Variants in CPB2 observed in about 807,000 individuals in gnomAD.
The protein encoded by CPB2 is carboxypeptidase B2, also known as carboxypeptidase B-like protein.
CPB2 carries 54 observed loss-of-function variants against 57.0 expected under a neutral mutation model. The observed-to-expected ratio is 0.95, with a 90% CI of 0.76 to 1.19. The LOEUF (loss-of-function observed/expected upper bound fraction) is 1.19, where lower values mean the gene tolerates loss of function less well. Among genes scored for constraint, CPB2 ranks in the 50% most tolerant of loss-of-function variants. The probability of loss-of-function intolerance (pLI) is 0.00; values close to 1 mark genes in which losing one functional copy is unlikely to be tolerated. For synonymous variants in CPB2, 189 were observed against 178.1 expected (o/e 1.06, Z -0.49); for missense variants, 426 against 512.0 (o/e 0.83, Z 1.62).
intron 7 of CPB2, 110 bp downstream of exon 7, chr13:46,067,197 A>T: frequency 1.9e-6 from 1 of 533,530 alleles, no homozygotes; most frequent in South Asian, 3.3e-5. Flanking sequence ...GTTAAAAAAA[A>T]TTAATAATAA....
chr13:46,058,704 T>C (rs1388901617), intron 8 of CPB2, among the ~76,000 whole-genome samples: 2 of 152,178 alleles, frequency 1.3e-5, no homozygotes, highest in Non-Finnish European at 2.9e-5. Flanking sequence ...AACCCCACTT[T>C]CCTTAATCCA....
At chr13:46,092,385 T>C (rs2045306355) in intron 1 of CPB2, among the ~76,000 whole-genome samples, 1 of 152,230 alleles carries the variant, frequency 6.6e-6, no homozygotes, top group South Asian at 2.1e-4. Context: ...TGTTGATTTC[T>C]CAGTTTTTAC....
intron 9 of CPB2, among the ~76,000 whole-genome samples, chr13:46,057,398 G>T (rs2139344252): frequency 6.6e-6 from 1 of 152,136 alleles, no homozygotes; most frequent in East Asian, 1.9e-4. Context: ...ATTCTGTTAA[G>T]AGAGCCAGAA....
chr13:46,092,831 G>A lies in CPB2; in HGVS notation c.75-5011C>T, dbSNP rs545959116. Among the ~76,000 whole-genome samples, 4 of 152,286 alleles carry A rather than the reference G, an allele frequency of 2.6e-5. No individual in the cohort carries two copies. The South Asian group carries it at 8.3e-4, about 32-fold the overall frequency. On this transcript the variant is annotated intron_variant, in intron 1 of 10. Coordinates refer to ENST00000181383, the MANE Select transcript of CPB2 (RefSeq NM_001872.5). ...TGCTGAGAAATTTGGACTTTATCTTGTAGGCAATTAGAAGTTAGAAAGGTA... is the reference window on the plus strand; with the variant it reads ...TGCTGAGAAATTTGGACTTTATCTTATAGGCAATTAGAAGTTAGAAAGGTA...
At chr13:46,069,976 A>T (rs1267700548) in intron 6 of CPB2, among the ~76,000 whole-genome samples, 1 of 152,218 alleles carries the variant, frequency 6.6e-6, no homozygotes, top group Non-Finnish European at 1.5e-5. Flanking sequence ...ACGATTTACC[A>T]ACATGGCAAG....
intron 8 of CPB2, among the ~76,000 whole-genome samples, chr13:46,060,488 G>T (rs796864262): frequency 6.6e-6 from 1 of 152,026 alleles, no homozygotes; most frequent in Non-Finnish European, 1.5e-5. Flanking sequence ...AAAGAAATAT[G>T]TGAGATTAAT....
Position 46,075,582 on chromosome 13 carries a change from C to T in CPB2, c.487-1605G>A, listed in dbSNP as rs2045010030. On this transcript the variant is annotated intron_variant, in intron 5 of 10. Transcript: ENST00000181383. ...ACATGGATCCAATCTGATTGACCAA[C>T]TCAGTGACCAAGGGGACCCAACATT... Among the ~76,000 whole-genome samples, 4 of 152,202 alleles carry T rather than the reference C, an allele frequency of 2.6e-5. No individual in the cohort carries two copies. The South Asian group carries it at 8.3e-4, about 31-fold the overall frequency.
intron 8 of CPB2, among the ~76,000 whole-genome samples, chr13:46,061,970 T>C (rs1393462361): frequency 6.6e-6 from 1 of 151,842 alleles, no homozygotes; most frequent in Non-Finnish European, 1.5e-5. Flanking sequence ...TAGTACAGAA[T>C]AGATACTGGA....
intron 1 of CPB2, among the ~76,000 whole-genome samples, chr13:46,095,948 C>G (rs1232887137): frequency 2.2e-5 from 3 of 134,246 alleles, no homozygotes; most frequent in Non-Finnish European, 4.6e-5. Flanking sequence ...ATGGAGCAAT[C>G]TTGGCTCACT....
At chr13:46,076,620 G>GA (rs1158573906) in intron 5 of CPB2, among the ~76,000 whole-genome samples, 1 of 151,840 alleles carries the variant, frequency 6.6e-6, no homozygotes, top group Non-Finnish European at 1.5e-5. Context: ...CATAGAAAGA[G>GA]AAAAAAAATT....
At chr13:46,063,835 GTGC>G (rs1593886272) in intron 8 of CPB2, among the ~76,000 whole-genome samples, 1 of 151,820 alleles carries the variant, frequency 6.6e-6, no homozygotes, top group South Asian at 2.1e-4. Context: ...AATTCCCACT[GTGC>G]TGCTTTTTAT....
chr13:46,097,119 C>T (rs2045377069), intron 1 of CPB2: 1 of 152,204 alleles, frequency 6.6e-6, no homozygotes, highest in Non-Finnish European at 1.5e-5. Context: ...GGAGCACCCA[C>T]AACAGAATAG....
chr13:46,056,920 C>G (rs1353457382), intron 9 of CPB2, among the ~76,000 whole-genome samples: 1 of 152,182 alleles, frequency 6.6e-6, no homozygotes, highest in African/African-American at 2.4e-5. Flanking sequence ...TTAGTGAAGC[C>G]ATCCCTTGAT....
chr13:46,085,949 T>A, intron 2 of CPB2, among the ~76,000 whole-genome samples: 1 of 151,652 alleles, frequency 6.6e-6, no homozygotes, highest in East Asian at 1.9e-4. Flanking sequence ...CGGTGAGGGG[T>A]GTGTGAGTGA....
chr13:46,080,260 C>T (rs1490119395), intron 4 of CPB2, among the ~76,000 whole-genome samples: 1 of 152,150 alleles, frequency 6.6e-6, no homozygotes, highest in Non-Finnish European at 1.5e-5. Context: ...TGGTGTGAGT[C>T]AATGACAAAA....
intron 6 of CPB2, among the ~76,000 whole-genome samples, chr13:46,069,189 C>A (rs577245192): frequency 3.2e-4 from 49 of 152,266 alleles, no homozygotes; most frequent in African/African-American, 1.2e-3. Flanking sequence ...TTACCTATTT[C>A]TTTATCTAAT....
chr13:46,105,030 C>T lies in CPB2; in HGVS notation c.-21G>A. 1 of 1,613,696 alleles carries T rather than the reference C, an allele frequency of 6.2e-7. No individual in the cohort carries two copies. Among genetic ancestry groups the T allele is most frequent in the Non-Finnish European group, 8.5e-7 (1 of 1,179,776 alleles). On this transcript the variant is annotated 5_prime_UTR_variant, in exon 1 of 11. Coordinates refer to ENST00000181383, the MANE Select transcript of CPB2 (RefSeq NM_001872.5). ...TTCATCCCAACAGCAATTTTCTGTACAACAAATTTCTCTGAAGAGAAAAAC... is the reference window on the plus strand; with the variant it reads ...TTCATCCCAACAGCAATTTTCTGTATAACAAATTTCTCTGAAGAGAAAAAC...
At chr13:46,100,094 G>A (rs934213131) in intron 1 of CPB2, 1 of 151,588 alleles carries the variant, frequency 6.6e-6, no homozygotes, top group African/African-American at 2.4e-5. Context: ...AAAACCTAAT[G>A]TATTAAAGAA....
At chr13:46,074,265 T>A (rs1286077746) in intron 5 of CPB2, among the ~76,000 whole-genome samples, 1 of 152,144 alleles carries the variant, frequency 6.6e-6, no homozygotes, top group Non-Finnish European at 1.5e-5. Context: ...CAGAGCTGCA[T>A]GTGGAAGTTT....
Sources: gnomAD v4.1 joint callset for allele counts (sites outside exome capture counted in the v4.1 genomes callset) on GRCh38, gnomAD v4.1.1 for gene constraint, MANE v1.5 for transcripts, NCBI Gene and HGNC (gene_info 2026-07-23, HGNC 2026-07-21) for gene names.